BTD: variants seen among roughly 807,000 people sequenced by gnomAD.
BTD encodes the protein biocytinase.
In BTD, 13 loss-of-function variants were observed where a neutral mutation model predicts 17.7. That is an observed-to-expected ratio of 0.74 (90% CI 0.48 to 1.17). The LOEUF (loss-of-function observed/expected upper bound fraction) is 1.17. Ranked by LOEUF, BTD falls within the 50% of genes most tolerant of loss-of-function variation. The probability of loss-of-function intolerance (pLI) is 0.00; values close to 1 mark genes in which losing one functional copy is unlikely to be tolerated. For synonymous variants in BTD, 240 were observed against 245.2 expected, an observed-to-expected ratio of 0.98 and a Z score of 0.20; for missense variants, 674 against 650.4, an observed-to-expected ratio of 1.04 and a Z score of -0.39.
In BTD at chr3:15,644,542, T is replaced by C; in HGVS notation, c.626T>C (p.Leu209Pro). 1 of 1,614,214 alleles carries C rather than the reference T, an allele frequency of 6.2e-7. No homozygotes were observed. Among genetic ancestry groups the C allele is most frequent in the South Asian group, 1.1e-5 (1 of 91,086 alleles). ...AAFDVPLKVD[L>P]ITFDTPFAGR... ...TTCGATGTTCCTCTTAAAGTGGATC[T>C]CATCACCTTTGATACCCCCTTTGCT... is the stretch of plus-strand genomic sequence containing the variant. Residue 209 changes from leucine (L) to proline (P), a missense_variant, in exon 4 of 4, where the codon CTC becomes CCC. Coordinates refer to ENST00000643237, the MANE Select transcript of BTD (RefSeq NM_001370658.1).
downstream of BTD, chr3:15,714,547 A>AAC (rs200662705): frequency 8.0e-5 from 117 of 1,463,626 alleles, no homozygotes; most frequent in Middle Eastern, 1.8e-4. Flanking sequence ...AAAAAAAAAA[A>AAC]CCCCAAAAAA....
At chr3:15,657,893 C>T (rs780754535), downstream of BTD, among the ~76,000 whole-genome samples, 1 of 151,408 alleles carries the variant, frequency 6.6e-6, no homozygotes, top group Non-Finnish European at 1.5e-5. Flanking sequence ...GGGGGCCGGG[C>T]GTGGTGGCTC....
chr3:15,644,385 G>T lies in BTD; in HGVS notation c.469G>T (p.Glu157Ter). 1 of 1,614,128 alleles carries T rather than the reference G, an allele frequency of 6.2e-7. No homozygotes were observed. Among genetic ancestry groups the T allele is most frequent in the Non-Finnish European group, 8.5e-7 (1 of 1,180,014 alleles). Reference protein sequence around the residue: ...MFLVANLGTKEPCHSSDPRCP... With the variant: ...MFLVANLGTK ...CTTGGTGGCCAATCTTGGGACAAAG[G>T]AGCCTTGTCATAGCAGTGACCCAAG... Residue 157 changes from glutamate to a stop codon, truncating the protein, a stop_gained, in exon 4 of 4, where the codon GAG becomes TAG. Transcript: ENST00000643237. LOFTEE classifies it low-confidence loss of function (END_TRUNC).
chr3:15,685,440 A>C (rs1227920554), intron 3 of BTD: 1 of 1,613,906 alleles, frequency 6.2e-7, no homozygotes, highest in African/African-American at 1.3e-5. Flanking sequence ...CATGGCCTGT[A>C]ACTGCCTGAA....
rs781455452 is a variant in BTD, at chr3:15,708,034, G to A, written c.400-2026G>A. The A allele has an allele frequency of 1.4e-5, 23 of 1,608,566 alleles. No homozygotes were observed. The African/African-American group carries it at 2.5e-4, about 18-fold the overall frequency. Reference sequence around the variant, plus strand: ...CAAGAGCAAACAGGCACTGGTAATTGCAGTTGGCAGCAGCGTAGTGCAGTG... The same window carrying A: ...CAAGAGCAAACAGGCACTGGTAATTACAGTTGGCAGCAGCGTAGTGCAGTG... On this transcript the variant is annotated intron_variant, in intron 3 of 3. Transcript: ENST00000672141.
At chr3:15,666,794 C>T (rs1480729037) in intron 3 of BTD, among the ~76,000 whole-genome samples, 1 of 152,226 alleles carries the variant, frequency 6.6e-6, no homozygotes, top group Non-Finnish European at 1.5e-5. Context: ...TGATTTTGTT[C>T]TTTTCACATA....
chr3:15,616,907 A>G (rs1224961876), intron 1 of BTD, among the ~76,000 whole-genome samples: 1 of 151,856 alleles, frequency 6.6e-6, no homozygotes, highest in Non-Finnish European at 1.5e-5. Flanking sequence ...ATCTCGGCTC[A>G]CTGCAACCTC....
rs534750691 is a variant in BTD at position 15,620,510 on chromosome 3, A to G, written c.-16-14914A>G. On this transcript the variant is annotated intron_variant, in intron 1 of 3. Coordinates refer to ENST00000643237, the MANE Select transcript of BTD (RefSeq NM_001370658.1). ...GGTTGTCTTCCCTTGTTCCATAAAAATCGCTATTATTCTGTTCTTTTTCAA... is the reference window on the plus strand; with the variant it reads ...GGTTGTCTTCCCTTGTTCCATAAAAGTCGCTATTATTCTGTTCTTTTTCAA... 2.5e-3 allele frequency among the ~76,000 whole-genome samples: 377 copies of G among 152,306 alleles called. 1 individual carries two copies. Among genetic ancestry groups the G allele is most frequent in the African/African-American group, 8.6e-3 (356 of 41,562 alleles).
intron 3 of BTD, chr3:15,679,284 C>A: frequency 6.2e-7 from 1 of 1,607,748 alleles, no homozygotes; most frequent in Non-Finnish European, 8.5e-7. Flanking sequence ...CTATTTAATA[C>A]ATAGTTGAAT....
rs1417361158 is a variant in BTD, at chr3:15,653,220, A to G, written c.*7732A>G. ...GACTCTCTGGGAGTAGGGCCCATCAATCTGTGTTTAACAAGTCCTCCAGGT... is the reference window on the plus strand; with the variant it reads ...GACTCTCTGGGAGTAGGGCCCATCAGTCTGTGTTTAACAAGTCCTCCAGGT... On this transcript the variant is annotated 3_prime_UTR_variant, in exon 4 of 4. Coordinates refer to ENST00000643237, the MANE Select transcript of BTD (RefSeq NM_001370658.1). Among the ~76,000 whole-genome samples the G allele has an allele frequency of 1.3e-5, 2 of 152,226 alleles. No individual in the cohort carries two copies. The highest frequency in any genetic ancestry group is 4.8e-5 in the African/African-American group (2 of 41,456).
At chr3:15,685,781 A>G (rs2068044298) in intron 3 of BTD, among the ~76,000 whole-genome samples, 1 of 152,228 alleles carries the variant, frequency 6.6e-6, no homozygotes, top group Non-Finnish European at 1.5e-5. Context: ...ATTCTACTAA[A>G]AGTTTTAGAG....
chr3:15,666,430 T>A (rs1482256654), intron 3 of BTD, among the ~76,000 whole-genome samples: 2 of 152,190 alleles, frequency 1.3e-5, no homozygotes, highest in Non-Finnish European at 2.9e-5. Flanking sequence ...TGTTAAATGG[T>A]GCTATAAATA....
downstream of BTD, among the ~76,000 whole-genome samples, chr3:15,712,823 T>C (rs1344580214): frequency 6.6e-6 from 1 of 152,194 alleles, no homozygotes; most frequent in East Asian, 1.9e-4. Context: ...TAAATTTCTA[T>C]CTAGATGGCT....
At chr3:15,685,043 G>A (rs2067951571) in intron 3 of BTD, 2 of 609,028 alleles carry the variant, frequency 3.3e-6, no homozygotes, top group Non-Finnish European at 5.8e-6. Context: ...TAGTGTCTTG[G>A]CTTTAGCATG....
chr3:15,698,864 T>A (rs1433370916), intron 3 of BTD, among the ~76,000 whole-genome samples: 1 of 152,182 alleles, frequency 6.6e-6, no homozygotes, highest in Admixed American at 6.5e-5. Flanking sequence ...TACCAATGAC[T>A]TTCTTCACAG....
intron 1 of BTD, among the ~76,000 whole-genome samples, chr3:15,625,230 T>C (rs894066728): frequency 5.9e-5 from 9 of 152,316 alleles, no homozygotes; most frequent in African/African-American, 1.7e-4. Flanking sequence ...CTGTGAACTT[T>C]ACAAGTGCTT....
chr3:15,685,750 G>A (rs542410747), intron 3 of BTD, among the ~76,000 whole-genome samples: 1 of 152,232 alleles, frequency 6.6e-6, no homozygotes, highest in Non-Finnish European at 1.5e-5. Flanking sequence ...TGAGATAATG[G>A]AAAAAGTCAA....
chr3:15,644,237 T>C, intron 3 of BTD, 79 bp from the exon 4 acceptor site: 1 of 1,451,710 alleles, frequency 6.9e-7, no homozygotes, highest in Non-Finnish European at 9.5e-7. Flanking sequence ...CCTGACCTCA[T>C]GATCCACCCG....
intron 1 of BTD, among the ~76,000 whole-genome samples, chr3:15,603,415 T>C (rs1441051129): frequency 2.0e-5 from 3 of 152,154 alleles, no homozygotes; most frequent in Non-Finnish European, 2.9e-5. Flanking sequence ...CCCAGCACTT[T>C]GGGAGGCCGA....
Sources: gnomAD v4.1 joint callset for allele counts (sites outside exome capture counted in the v4.1 genomes callset) on GRCh38, gnomAD v4.1.1 for gene constraint, MANE v1.5 for transcripts, NCBI Gene and HGNC (gene_info 2026-07-23, HGNC 2026-07-21) for gene names.